Variants in TBC1D19 observed in about 807,000 individuals in gnomAD.
TBC1D19 encodes the protein TBC1 domain family, member 19.
Under a neutral mutation model 89.0 loss-of-function variants are expected in TBC1D19, and 60 were observed. The observed-to-expected ratio is 0.67, with a 90% CI of 0.55 to 0.84. The LOEUF (loss-of-function observed/expected upper bound fraction) is 0.84. TBC1D19 is among the 40% of genes least tolerant of loss of function. The pLI is 0.00. For synonymous variants in TBC1D19, 189 were observed against 199.7 expected (o/e 0.95, Z 0.45); for missense variants, 500 against 610.8 (o/e 0.82, Z 1.91).
chr4:26,834,721 C>T, the TBC1D19 span, among the ~76,000 whole-genome samples: 1 of 152,196 alleles, frequency 6.6e-6, no homozygotes, highest in Non-Finnish European at 1.5e-5. Flanking sequence ...ATTCTCTCCT[C>T]ATCCATTGAG....
intron 1 of TBC1D19, among the ~76,000 whole-genome samples, chr4:26,578,016 CACTT>C (rs1739007467): frequency 6.6e-6 from 1 of 152,144 alleles, no homozygotes; most frequent in Non-Finnish European, 1.5e-5. Context: ...TTGTGTCAAA[CACTT>C]AATTCAGTGT....
intron 1 of TBC1D19, among the ~76,000 whole-genome samples, chr4:26,602,598 G>A (rs1156458425): frequency 6.6e-6 from 1 of 151,798 alleles, no homozygotes; most frequent in African/African-American, 2.4e-5. Flanking sequence ...CCGCCACCAT[G>A]CCCAACTAAT....
the TBC1D19 span, among the ~76,000 whole-genome samples, chr4:26,806,874 G>A: frequency 6.6e-6 from 1 of 152,204 alleles, no homozygotes; most frequent in Non-Finnish European, 1.5e-5. Flanking sequence ...AAGATGGCTG[G>A]TAAATGCCAG....
intron 11 of TBC1D19, among the ~76,000 whole-genome samples, chr4:26,674,567 A>G (rs1200885858): frequency 1.3e-5 from 2 of 152,188 alleles, no homozygotes; most frequent in African/African-American, 4.8e-5. Flanking sequence ...TGGTGTTTAA[A>G]AACATGGGTT....
chr4:26,702,997 C>T (rs1374720552), intron 13 of TBC1D19, among the ~76,000 whole-genome samples: 2 of 152,148 alleles, frequency 1.3e-5, no homozygotes, highest in African/African-American at 4.8e-5. Flanking sequence ...ATATAATGTC[C>T]TCCAGGATCA....
chr4:26,788,823 C>G, the TBC1D19 span, among the ~76,000 whole-genome samples: 6 of 152,150 alleles, frequency 3.9e-5, no homozygotes, highest in Admixed American at 3.3e-4. Context: ...GCTCTAGAGA[C>G]AAGTATTTGC....
chr4:26,770,012 A>T, the TBC1D19 span, among the ~76,000 whole-genome samples: 2 of 152,118 alleles, frequency 1.3e-5, no homozygotes, highest in Non-Finnish European at 2.9e-5. Context: ...TATGTTTTCA[A>T]AAGATGGTGT....
Position 26,683,710 on chromosome 4 carries a change from G to T in TBC1D19, c.852G>T (p.Val284=), listed in dbSNP as rs1311323551. 5.0e-6 allele frequency: 8 copies of T among 1,612,742 alleles called. No individual in the cohort carries two copies. The highest frequency in any genetic ancestry group is 1.3e-5 in the African/African-American group (1 of 74,880). The change falls in exon 12 of 21, where the codon GTG becomes GTT. Residue 284 remains valine, a synonymous_variant. Transcript: ENST00000264866. The stretch of plus-strand genomic sequence containing the variant: ...ATTATGAGCAGCTTAAGACCAATGT[G>T]ATACAACATGACCTTTTGGTGGACA... ...VLYYEQLKTN[V]IQHDLLVDSL...
At chr4:26,639,408 A>G (rs1743344497) in intron 6 of TBC1D19, among the ~76,000 whole-genome samples, 1 of 151,706 alleles carries the variant, frequency 6.6e-6, no homozygotes, top group South Asian at 2.1e-4. Context: ...TTATAAAATT[A>G]TAAATTATCC....
At chr4:26,584,451 AAAAAC>A (rs984831260) in intron 1 of TBC1D19, among the ~76,000 whole-genome samples, 159 bp downstream of exon 1, 3 of 134,018 alleles carry the variant, frequency 2.2e-5, no homozygotes, top group Admixed American at 1.5e-4. Context: ...AAACAAAAAC[AAAAAC>A]AAAACAAAAC....
At chr4:26,796,373 A>G in the TBC1D19 span, among the ~76,000 whole-genome samples, 1 of 152,250 alleles carries the variant, frequency 6.6e-6, no homozygotes, top group Admixed American at 6.5e-5. Context: ...TGCTGCTGAT[A>G]TAAGAGGTGA....
chr4:26,736,479 G>A (rs1222282730), intron 16 of TBC1D19, among the ~76,000 whole-genome samples: 2 of 150,714 alleles, frequency 1.3e-5, no homozygotes, highest in Non-Finnish European at 3.0e-5. Context: ...CACCAGCATG[G>A]CACATGTATA....
intron 11 of TBC1D19, among the ~76,000 whole-genome samples, chr4:26,681,584 A>G (rs2109136864): frequency 6.6e-6 from 1 of 152,208 alleles, no homozygotes; most frequent in South Asian, 2.1e-4. Flanking sequence ...CCTTCAGTCT[A>G]TAATCCTGCC....
At chr4:26,639,760 T>C (rs908698424) in intron 6 of TBC1D19, among the ~76,000 whole-genome samples, 1 of 152,192 alleles carries the variant, frequency 6.6e-6, no homozygotes, top group African/African-American at 2.4e-5. Flanking sequence ...TATATAGTTA[T>C]TTGAGTTCAA....
At chr4:26,606,499 G>T (rs1741011897) in intron 1 of TBC1D19, among the ~76,000 whole-genome samples, 1 of 152,164 alleles carries the variant, frequency 6.6e-6, no homozygotes, top group Admixed American at 6.5e-5. Context: ...GTGGAGGGGA[G>T]GGGAGTAGTG....
At chr4:26,841,182 C>T in the TBC1D19 span, among the ~76,000 whole-genome samples, 2 of 152,058 alleles carry the variant, frequency 1.3e-5, no homozygotes, top group African/African-American at 4.8e-5. Context: ...TTTGAGCCCA[C>T]CCTGGCCAAC....
chr4:26,579,274 C>T (rs1739025240), upstream of TBC1D19, among the ~76,000 whole-genome samples: 1 of 152,186 alleles, frequency 6.6e-6, no homozygotes, highest in Admixed American at 6.5e-5. Context: ...AGAAACCATA[C>T]ATTCTTCTAC....
rs1173641270 is a variant in TBC1D19 at position 26,604,148 on chromosome 4, C to CTT, written c.100-8999_100-8998dup. The stretch of plus-strand genomic sequence containing the variant: ...TAACATGTGTCAGAATTTTCTTTTT[C>CTT]TTTTTTTTTTTTTTTTTTTTTTTGA... On this transcript the variant is annotated intron_variant, in intron 1 of 20. Coordinates refer to ENST00000264866, the MANE Select transcript of TBC1D19 (RefSeq NM_018317.4). Among the ~76,000 whole-genome samples the CTT allele has an allele frequency of 5.8e-3, 695 of 120,660 alleles. 6 individuals are homozygous for CTT. Among genetic ancestry groups the CTT allele is most frequent in the African/African-American group, 0.012 (335 of 27,486 alleles). The allele number at this position is 120,660 out of a possible 152,430, so 79.2% of individuals were successfully genotyped here. A position where few individuals can be genotyped will look rare whatever the true frequency, so the allele number is the denominator to read the frequency against.
chr4:26,765,214 T>G, the TBC1D19 span, among the ~76,000 whole-genome samples: 10 of 150,466 alleles, frequency 6.6e-5, no homozygotes, highest in African/African-American at 2.4e-4. Flanking sequence ...GCAGAGGGGG[T>G]TTGCAAGAAG....
Sources: allele counts gnomAD v4.1 joint callset (sites outside exome capture counted in the v4.1 genomes callset), GRCh38; gene constraint gnomAD v4.1.1; transcripts MANE v1.5; gene names NCBI Gene and HGNC (gene_info 2026-07-23, HGNC 2026-07-21).